CACYBP: variants seen among roughly 807,000 people sequenced by gnomAD.
The protein encoded by CACYBP is calcyclin-binding protein.
A neutral mutation model predicts 29.6 loss-of-function variants in CACYBP; 11 were observed. The ratio of observed to expected loss-of-function variants is 0.37; its 90% confidence interval spans 0.23 to 0.61. The LOEUF (loss-of-function observed/expected upper bound fraction) is 0.61. Ranked by LOEUF, CACYBP falls within the 20% of genes least tolerant of loss-of-function variation. The probability of loss-of-function intolerance (pLI) is 0.65; values close to 1 mark genes in which losing one functional copy is unlikely to be tolerated. For synonymous variants in CACYBP, 73 were observed against 88.3 expected, an observed-to-expected ratio of 0.83 and a Z score of 0.97; for missense variants, 163 against 260.7, an observed-to-expected ratio of 0.63 and a Z score of 2.58.
At chr1:175,000,500 C>T (rs554061787) in intron 1 of CACYBP, 1 of 1,297,684 alleles carries the variant, frequency 7.7e-7, no homozygotes, top group Non-Finnish European at 9.8e-7. Context: ...GTTCCTCAGG[C>T]CCTTTCTGCC....
chr1:175,008,548 A>G (rs1672672174), intron 4 of CACYBP, 61 bp from the exon 5 acceptor site: 1 of 813,846 alleles, frequency 1.2e-6, no homozygotes, highest in Non-Finnish European at 2.1e-6. Flanking sequence ...ATTGTTTTAT[A>G]AATATTCATG....
At chr1:175,000,390 C>T in intron 1 of CACYBP, 195 bp downstream of exon 1, 1 of 1,416,164 alleles carries the variant, frequency 7.1e-7, no homozygotes, top group Non-Finnish European at 9.2e-7. Flanking sequence ...TCCACTCGAC[C>T]TCGCACCCCA....
At chr1:175,009,562 G>C (rs1672696145) in intron 5 of CACYBP, among the ~76,000 whole-genome samples, 1 of 144,768 alleles carries the variant, frequency 6.9e-6, no homozygotes, top group South Asian at 2.3e-4. Context: ...AGACAGAATT[G>C]TTTGAACCTG....
intron 2 of CACYBP, among the ~76,000 whole-genome samples, chr1:175,005,694 AT>A (rs1317061518): frequency 1.3e-5 from 2 of 152,212 alleles, no homozygotes; most frequent in African/African-American, 2.4e-5. Context: ...AATATAGGAA[AT>A]TGCACCGTGT....
rs577335168 is a variant in CACYBP, at chr1:175,009,416, C to T, written c.531-507C>T. Among the ~76,000 whole-genome samples, 206 of 152,086 alleles carry T rather than the reference C, an allele frequency of 1.4e-3. 1 individual carries two copies. Among genetic ancestry groups the T allele is most frequent in the Middle Eastern group, 3.4e-3 (1 of 294 alleles). On this transcript the variant is annotated intron_variant, in intron 5 of 5. Transcript: ENST00000367679. ...ATCCTAGCACTTTGGGAGGCTGAGG[C>T]GGGCGGATCACCTGAGGTCAGGAGT...
intron 1 of CACYBP, chr1:175,000,477 G>A: frequency 1.5e-6 from 2 of 1,344,486 alleles, no homozygotes; most frequent in South Asian, 1.7e-5. Flanking sequence ...TGGGAGAGCG[G>A]CCCTTTGCGC....
At chr1:174,999,941 A>T, upstream of CACYBP, 1 of 575,552 alleles carries the variant, frequency 1.7e-6, no homozygotes, top group African/African-American at 2.1e-5. Context: ...GGGTGGAGCC[A>T]GGCTTGGCGG....
upstream of CACYBP, chr1:174,999,822 C>G (rs928252934): frequency 5.7e-5 from 24 of 419,804 alleles, no homozygotes; most frequent in African/African-American, 4.8e-4. Flanking sequence ...CTCGGATTGC[C>G]GGTTCGCTCG....
intron 4 of CACYBP, among the ~76,000 whole-genome samples, chr1:175,008,330 A>G (rs1046107680): frequency 2.0e-5 from 3 of 152,002 alleles, no homozygotes; most frequent in Admixed American, 2.0e-4. Context: ...TGCCTCAGAG[A>G]GGCCTTCCTA....
In CACYBP at chr1:175,011,610, A is replaced by ATAAT. The variant is rs1227594099; in HGVS notation, c.*1535_*1538dup. 3 of 152,242 alleles carry ATAAT rather than the reference A, an allele frequency of 2.0e-5. No individual in the cohort carries two copies. 9.4% of individuals were successfully genotyped at this position (152,242 alleles called of 1,614,324 possible). ...CAAACAATGTATTGACAGGATTCCAATAATTAAGAATACTTCATACAAAAA... is the reference window on the plus strand; with the variant it reads ...CAAACAATGTATTGACAGGATTCCAATAATTAATTAAGAATACTTCATACAAAAA... On this transcript the variant is annotated 3_prime_UTR_variant, in exon 6 of 6. Coordinates refer to ENST00000367679, the MANE Select transcript of CACYBP (RefSeq NM_014412.3).
intron 2 of CACYBP, 35 bp from the exon 3 acceptor site, chr1:175,006,710 C>T (rs747961374): frequency 1.9e-6 from 2 of 1,060,562 alleles, no homozygotes; most frequent in South Asian, 2.5e-5. Context: ...GTTTCAGAGG[C>T]TTACTTACGT....
chr1:174,999,656 T>C (rs373084654), upstream of CACYBP: 2 of 232,042 alleles, frequency 8.6e-6, no homozygotes. Flanking sequence ...CAGGTGACTC[T>C]CTAGTCAACT....
At chr1:175,009,578 C>T (rs1286243085) in intron 5 of CACYBP, among the ~76,000 whole-genome samples, 1 of 139,034 alleles carries the variant, frequency 7.2e-6, no homozygotes, top group African/African-American at 2.7e-5. Context: ...ACCTGGGAGG[C>T]GGAGGTTGCA....
At chr1:175,009,898 T>G (rs758700637) in intron 5 of CACYBP, 25 bp from the exon 6 acceptor site, 1 of 1,583,774 alleles carries the variant, frequency 6.3e-7, no homozygotes, top group Non-Finnish European at 8.6e-7. Context: ...GTTTCCCCAT[T>G]GTTGTATATG....
upstream of CACYBP, chr1:174,999,807 C>G (rs188762152): frequency 1.5e-4 from 59 of 401,320 alleles, no homozygotes; most frequent in East Asian, 3.4e-3. Context: ...CAAGACATTA[C>G]TCTTCTCGGA....
chr1:175,000,329 C>T, intron 1 of CACYBP, 134 bp downstream of exon 1: 12 of 1,467,052 alleles, frequency 8.2e-6, no homozygotes, highest in South Asian at 2.7e-5. Flanking sequence ...GCGCCGCCTT[C>T]CCGGGGGACA....
chr1:175,008,531 A>G, intron 4 of CACYBP, 78 bp from the exon 5 acceptor site: 1 of 772,832 alleles, frequency 1.3e-6, no homozygotes, highest in South Asian at 1.6e-5. Context: ...GATCAATTGA[A>G]TAGATAATTG....
intron 1 of CACYBP, among the ~76,000 whole-genome samples, chr1:175,000,998 G>A (rs770764252): frequency 2.0e-5 from 3 of 152,202 alleles, no homozygotes; most frequent in Non-Finnish European, 4.4e-5. Flanking sequence ...TCACAGTTAA[G>A]TGTTGGGTGT....
chr1:175,002,956 A>G (rs1452879056), intron 1 of CACYBP, among the ~76,000 whole-genome samples: 1 of 152,160 alleles, frequency 6.6e-6, no homozygotes, highest in Non-Finnish European at 1.5e-5. Flanking sequence ...TAGGAGTTGT[A>G]GAATCAGCGT....
Sources: gnomAD v4.1 joint callset for allele counts (sites outside exome capture counted in the v4.1 genomes callset) on GRCh38, gnomAD v4.1.1 for gene constraint, MANE v1.5 for transcripts, NCBI Gene and HGNC (gene_info 2026-07-23, HGNC 2026-07-21) for gene names.